The following ASTN1 variants were observed in gnomAD, a reference collection of about 807,000 sequenced individuals.
The protein encoded by ASTN1 is astrotactin-1.
A neutral mutation model predicts 140.7 loss-of-function variants in ASTN1; 41 were observed. That is an observed-to-expected ratio of 0.29 (90% CI 0.23 to 0.38). ASTN1 has a LOEUF of 0.38. Ranked by LOEUF, ASTN1 falls within the 10% of genes least tolerant of loss-of-function variation. The pLI, the probability that ASTN1 is intolerant of heterozygous loss-of-function variation, is 1.00. For synonymous variants in ASTN1, 640 were observed against 652.2 expected, an observed-to-expected ratio of 0.98 and a Z score of 0.29; for missense variants, 1,479 against 1,678.8, an observed-to-expected ratio of 0.88 and a Z score of 2.08.
chr1:176,931,932 T>C (rs1051800088), intron 16 of ASTN1, among the ~76,000 whole-genome samples: 8 of 152,204 alleles, frequency 5.3e-5, no homozygotes, highest in African/African-American at 1.9e-4. Flanking sequence ...GAATACATCC[T>C]ATGTAAAGGA....
At chr1:176,947,192 G>T (rs935100662) in intron 12 of ASTN1, among the ~76,000 whole-genome samples, 5 of 152,158 alleles carry the variant, frequency 3.3e-5, no homozygotes, top group African/African-American at 1.2e-4. Context: ...TTCCAAAACT[G>T]TAGAAATGGG....
intron 1 of ASTN1, among the ~76,000 whole-genome samples, chr1:177,127,807 T>C (rs1266216308): frequency 6.6e-6 from 1 of 152,238 alleles, no homozygotes; most frequent in East Asian, 1.9e-4. Context: ...TTTTGATGAT[T>C]TATTTAAACA....
At chr1:177,157,034 G>A (rs995349936) in intron 1 of ASTN1, among the ~76,000 whole-genome samples, 1 of 152,182 alleles carries the variant, frequency 6.6e-6, no homozygotes, top group African/African-American at 2.4e-5. Flanking sequence ...CAAGAGAAGC[G>A]TAAGAAGATG....
At chr1:176,966,706 TTA>T (rs1672905698) in intron 8 of ASTN1, among the ~76,000 whole-genome samples, 2 of 151,964 alleles carry the variant, frequency 1.3e-5, no homozygotes, top group Admixed American at 1.3e-4. Flanking sequence ...GCATATTATA[TTA>T]TATATTATAT....
intron 16 of ASTN1, among the ~76,000 whole-genome samples, chr1:176,913,913 C>T (rs533664028): frequency 6.6e-6 from 1 of 152,342 alleles, no homozygotes; most frequent in South Asian, 2.1e-4. Context: ...ATTTGGTTCA[C>T]AAGCATTTTG....
intron 5 of ASTN1, chr1:177,029,420 G>A (rs1426977290): frequency 1.3e-6 from 1 of 746,504 alleles, no homozygotes; most frequent in South Asian, 1.4e-5. Flanking sequence ...GTTTGAGAGT[G>A]CCATTATCTG....
At chr1:176,978,264 TCTATA>T (rs1342012033) in intron 8 of ASTN1, among the ~76,000 whole-genome samples, 1 of 152,080 alleles carries the variant, frequency 6.6e-6, no homozygotes. Flanking sequence ...TGAAAGCAAA[TCTATA>T]CTTGGGTAGC....
rs61758727 is a variant in ASTN1, at chr1:177,029,733, C to T, written c.1021G>A (p.Ala341Thr). 265 of 1,611,002 alleles carry T rather than the reference C, an allele frequency of 1.6e-4. No homozygotes were observed. The highest frequency in any genetic ancestry group is 5.0e-4 in the Middle Eastern group (3 of 6,052). Reference sequence around the variant, plus strand: ...GAATCCCCTTCAGGGTTCAAGAAGGCGGAACCAGCTGTAATGAAAGCAGCA... The same window carrying T: ...GAATCCCCTTCAGGGTTCAAGAAGGTGGAACCAGCTGTAATGAAAGCAGCA... ...RINNKARAGSAFLNPEGDSGT... is the reference protein window; with the variant it reads ...RINNKARAGSTFLNPEGDSGT... Residue 341 changes from alanine (A) to threonine (T), a missense_variant, in exon 5 of 23, where the codon GCC becomes ACC. Physicochemically the swap from Ala to Thr is moderately conservative, Grantham distance 58. Coordinates refer to ENST00000361833, the MANE Select transcript of ASTN1 (RefSeq NM_004319.3).
At chr1:177,075,387 A>G (rs1273496488) in intron 1 of ASTN1, among the ~76,000 whole-genome samples, 1 of 149,962 alleles carries the variant, frequency 6.7e-6, no homozygotes, top group Non-Finnish European at 1.5e-5. Context: ...TTGCTTTTTT[A>G]AAAGAAAAAC....
intron 1 of ASTN1, among the ~76,000 whole-genome samples, chr1:177,120,349 A>G (rs192279683): frequency 1.3e-5 from 2 of 152,302 alleles, no homozygotes; most frequent in Admixed American, 1.3e-4. Context: ...TGTGAGCCCC[A>G]CTGATTACAA....
At chr1:176,907,642 C>T (rs572135369) in intron 16 of ASTN1, among the ~76,000 whole-genome samples, 93 of 152,318 alleles carry the variant, frequency 6.1e-4, no homozygotes, top group Admixed American at 1.4e-3. Flanking sequence ...CATGCAAGTT[C>T]ACCTTCTTGT....
chr1:176,967,025 A>T (rs568970950), intron 8 of ASTN1, among the ~76,000 whole-genome samples: 8 of 152,312 alleles, frequency 5.3e-5, no homozygotes, highest in African/African-American at 1.9e-4. Flanking sequence ...ACAAGCTAAC[A>T]AATTAATTAC....
chr1:176,892,516 A>G (rs1669309892), intron 17 of ASTN1, among the ~76,000 whole-genome samples: 1 of 152,228 alleles, frequency 6.6e-6, no homozygotes, highest in South Asian at 2.1e-4. Flanking sequence ...TGGCATGGCC[A>G]CACAACAAGT....
intron 8 of ASTN1, among the ~76,000 whole-genome samples, chr1:176,985,580 C>T (rs771822151): frequency 5.3e-5 from 8 of 152,060 alleles, no homozygotes; most frequent in Non-Finnish European, 7.4e-5. Flanking sequence ...CTGTTTGCTG[C>T]TACCTGGTGG....
At chr1:177,129,961 T>C (rs1373274682) in intron 1 of ASTN1, among the ~76,000 whole-genome samples, 2 of 151,840 alleles carry the variant, frequency 1.3e-5, no homozygotes, top group Non-Finnish European at 2.9e-5. Context: ...CGAGACTCCA[T>C]CTCAAAAAAA....
intron 1 of ASTN1, among the ~76,000 whole-genome samples, chr1:177,116,469 T>C (rs1157515697): frequency 6.6e-6 from 1 of 152,208 alleles, no homozygotes; most frequent in Non-Finnish European, 1.5e-5. Flanking sequence ...TTCCTTCCCA[T>C]TAGCTCGTAA....
intron 13 of ASTN1, among the ~76,000 whole-genome samples, chr1:176,944,656 G>T (rs1671877606): frequency 6.6e-6 from 1 of 152,294 alleles, no homozygotes; most frequent in East Asian, 1.9e-4. Flanking sequence ...GGGTATGATT[G>T]GTGGGGTGAG....
At chr1:177,016,507 G>T (rs999651731) in intron 7 of ASTN1, among the ~76,000 whole-genome samples, 1 of 152,142 alleles carries the variant, frequency 6.6e-6, no homozygotes, top group South Asian at 2.1e-4. Context: ...AAATTAGATG[G>T]TTGACGATAA....
chr1:177,029,873 A>T, intron 4 of ASTN1, 132 bp from the exon 5 acceptor site: 1 of 865,514 alleles, frequency 1.2e-6, no homozygotes, highest in Admixed American at 2.5e-5. Context: ...AGAAATAGCC[A>T]AGGGGGTTGG....
Sources: gnomAD v4.1 joint callset for allele counts (sites outside exome capture counted in the v4.1 genomes callset) on GRCh38, gnomAD v4.1.1 for gene constraint, MANE v1.5 for transcripts, NCBI Gene and HGNC (gene_info 2026-07-23, HGNC 2026-07-21) for gene names.